FOXO3: variants seen among roughly 807,000 people sequenced by gnomAD.
FOXO3 encodes forkhead box O3.
FOXO3 carries 4 observed loss-of-function variants against 41.9 expected under a neutral mutation model. The ratio of observed to expected loss-of-function variants is 0.10; its 90% CI spans 0.05 to 0.22. The LOEUF is 0.22. FOXO3 is among the 10% of genes least tolerant of loss of function. FOXO3 has a pLI of 1.00. For synonymous variants in FOXO3, 318 were observed against 389.3 expected, an observed-to-expected ratio of 0.82 and a Z score of 2.16; for missense variants, 534 against 906.8, an observed-to-expected ratio of 0.59 and a Z score of 5.28.
intron 1 of FOXO3, among the ~76,000 whole-genome samples, chr6:108,638,055 A>G (rs1778164454): frequency 6.6e-6 from 1 of 152,240 alleles, no homozygotes; most frequent in African/African-American, 2.4e-5. Flanking sequence ...GGGTAATTAG[A>G]ATATGAGTAA....
At position 108,591,782 on chromosome 6, in the gene FOXO3, C is replaced by T. The variant is rs142372233; in HGVS notation, c.621+29953C>T. ...CGAGATTTTGGGATTGTACTTTATG[C>T]AAAGTTACTTATAAGTTCTGATTAC... On this transcript the variant is annotated intron_variant, in intron 1 of 2. Transcript: ENST00000406360. Among the ~76,000 whole-genome samples the T allele has an allele frequency of 4.6e-5, 7 of 152,040 alleles. 1 individual carries two copies. Among genetic ancestry groups the T allele is most frequent in the African/African-American group, 1.7e-4 (7 of 41,432 alleles).
intron 1 of FOXO3, among the ~76,000 whole-genome samples, chr6:108,659,754 C>A (rs768066251): frequency 1.4e-4 from 21 of 152,194 alleles, no homozygotes; most frequent in Non-Finnish European, 2.6e-4. Flanking sequence ...CTTTTTACCA[C>A]ATGCCCTTGT....
rs563938936 is a variant in FOXO3 at position 108,656,425 on chromosome 6, G to A, written c.622-7030G>A. 2.4e-5 allele frequency: 24 copies of A among 985,314 alleles called. 1 individual carries two copies. The East Asian group carries it at 9.1e-4, about 37-fold the overall frequency. The allele number at this position is 985,314 out of a possible 1,614,324, so 61.0% of individuals were successfully genotyped here. The stretch of plus-strand genomic sequence containing the variant: ...GGGTACAAAATTTAAGAAATTACCA[G>A]TTACTTCTGACTGGCACGGCACCTC... On this transcript the variant is annotated intron_variant, in intron 1 of 2. Coordinates refer to ENST00000406360, the MANE Select transcript of FOXO3 (RefSeq NM_001455.4).
chr6:108,669,450 A>G (rs1000588713), intron 2 of FOXO3, among the ~76,000 whole-genome samples: 12 of 152,214 alleles, frequency 7.9e-5, no homozygotes, highest in African/African-American at 2.7e-4. Flanking sequence ...TGTTTTAGGG[A>G]ATGTAACATC....
chr6:108,634,385 T>TG (rs986561728), intron 1 of FOXO3, among the ~76,000 whole-genome samples: 3 of 152,094 alleles, frequency 2.0e-5, no homozygotes, highest in African/African-American at 7.2e-5. Context: ...TAGTGGGCAA[T>TG]GGAAAGGGTC....
In FOXO3 at chr6:108,566,824, TG is replaced by T. The variant is rs34231872; in HGVS notation, c.621+4999del. ...ACCTTTTTGGTGCTATAAAAGGAGC[TG>T]GGGATCATAAATGCAAAGACGAGTT... On this transcript the variant is annotated intron_variant, in intron 1 of 2. Coordinates refer to ENST00000406360, the MANE Select transcript of FOXO3 (RefSeq NM_001455.4). Among the ~76,000 whole-genome samples the T allele has an allele frequency of 1.1e-4, 16 of 152,328 alleles. No individual in the cohort carries two copies. The East Asian group carries it at 2.1e-3, about 20-fold the overall frequency.
In FOXO3 at chr6:108,561,344, A is replaced by G. The variant is rs1409731500; in HGVS notation, c.136A>G (p.Lys46Glu). ...GCCGGAGCTCCAAGCGAGCCCTGCC[A>G]AGCCCTCGGGGGAGACGGCCGCCGA... The part of the protein sequence containing the change: ...QRPELQASPA[K>E]PSGETAADSM... Residue 46 changes from lysine (K) to glutamate (E), a missense_variant, in exon 1 of 3, where the codon AAG becomes GAG. By Grantham distance (56) the Lys-to-Glu change is moderately conservative. Transcript: ENST00000406360. The G allele has an allele frequency of 6.4e-7, 1 of 1,570,570 alleles. No homozygotes were observed. Among genetic ancestry groups the G allele is most frequent in the Non-Finnish European group, 8.6e-7 (1 of 1,160,642 alleles).
intron 1 of FOXO3, among the ~76,000 whole-genome samples, chr6:108,641,024 C>G (rs1778243409): frequency 6.6e-6 from 1 of 152,092 alleles, no homozygotes; most frequent in Non-Finnish European, 1.5e-5. Flanking sequence ...ATTCTCATGC[C>G]TCAGCCTCCT....
chr6:108,672,765 T>G (rs780427465), intron 2 of FOXO3, among the ~76,000 whole-genome samples: 22 of 152,186 alleles, frequency 1.4e-4, no homozygotes, highest in Non-Finnish European at 3.1e-4. Context: ...CTCTTTCTTC[T>G]TCTTTCTCTC....
At chr6:108,577,005 G>GA (rs1278133862) in intron 1 of FOXO3, among the ~76,000 whole-genome samples, 2 of 152,124 alleles carry the variant, frequency 1.3e-5, no homozygotes, top group Non-Finnish European at 2.9e-5. Context: ...TGGTTACTGG[G>GA]AGGATGATTG....
intron 1 of FOXO3, among the ~76,000 whole-genome samples, chr6:108,646,842 C>T (rs968064524): frequency 2.0e-5 from 3 of 152,144 alleles, no homozygotes; most frequent in African/African-American, 7.2e-5. Flanking sequence ...TTTATGCTTT[C>T]GAGAAAATGT....
In FOXO3 at chr6:108,658,096, C is replaced by T. The variant is rs563207841; in HGVS notation, c.622-5359C>T. ...AGATGGTCCTGGAACCAGTCCCCTG[C>T]GTATAACAAGGATTAACTATAATCA... On this transcript the variant is annotated intron_variant, in intron 1 of 2. Transcript: ENST00000406360. 2.6e-4 allele frequency among the ~76,000 whole-genome samples: 39 copies of T among 152,120 alleles called. 1 individual carries two copies. In the South Asian group the frequency reaches 6.0e-3, roughly 23 times the overall value.
At chr6:108,564,731 C>T (rs1476021702) in intron 1 of FOXO3, among the ~76,000 whole-genome samples, 1 of 151,908 alleles carries the variant, frequency 6.6e-6, no homozygotes, top group East Asian at 1.9e-4. Context: ...ATACAAATAC[C>T]CAGAGAATTT....
At chr6:108,677,071 G>A (rs980659342) in intron 2 of FOXO3, among the ~76,000 whole-genome samples, 28 of 152,156 alleles carry the variant, frequency 1.8e-4, no homozygotes, top group African/African-American at 6.8e-4. Context: ...CTATACCTGG[G>A]CCAAATCCTC....
At chr6:108,573,906 C>T (rs1776185982) in intron 1 of FOXO3, among the ~76,000 whole-genome samples, 1 of 152,102 alleles carries the variant, frequency 6.6e-6, no homozygotes, top group Non-Finnish European at 1.5e-5. Flanking sequence ...GTAATCCCAG[C>T]ACTTTGGGAG....
At chr6:108,618,960 A>G (rs1172289283) in intron 1 of FOXO3, among the ~76,000 whole-genome samples, 1 of 152,136 alleles carries the variant, frequency 6.6e-6, no homozygotes. Context: ...TGGCTTGGAC[A>G]CTACCTCCTG....
rs559071054 is a variant in FOXO3 at position 108,588,248 on chromosome 6, C to T, written c.621+26419C>T. 1.5e-4 allele frequency among the ~76,000 whole-genome samples: 23 copies of T among 151,936 alleles called. No individual in the cohort carries two copies. The East Asian group carries it at 4.4e-3, about 29-fold the overall frequency. On this transcript the variant is annotated intron_variant, in intron 1 of 2. Coordinates refer to ENST00000406360, the MANE Select transcript of FOXO3 (RefSeq NM_001455.4). ...GAACTATTCAGTATATTGAAAAATT[C>T]AATTTTTGTTTTTCTCTGCATTTGG...
intron 1 of FOXO3, among the ~76,000 whole-genome samples, chr6:108,646,020 A>G (rs888603585): frequency 3.3e-4 from 51 of 152,274 alleles, no homozygotes; most frequent in African/African-American, 1.0e-3. Context: ...AAAGAAGTCT[A>G]GGGCTTGTGT....
rs1410970803 is a variant in FOXO3 at position 108,574,948 on chromosome 6, G to A, written c.621+13119G>A. On this transcript the variant is annotated intron_variant, in intron 1 of 2. Coordinates refer to ENST00000406360, the MANE Select transcript of FOXO3 (RefSeq NM_001455.4). ...TGTGATAAACGTGAGCAGGCAGCAG[G>A]ATGCTACCTGATAACTGAGTATAAC... is the stretch of plus-strand genomic sequence containing the variant. Among the ~76,000 whole-genome samples the A allele has an allele frequency of 2.0e-5, 3 of 152,188 alleles. No individual in the cohort carries two copies. The South Asian group carries it at 6.2e-4, about 32-fold the overall frequency.
Sources: allele counts gnomAD v4.1 joint callset (sites outside exome capture counted in the v4.1 genomes callset), GRCh38; gene constraint gnomAD v4.1.1; transcripts MANE v1.5; gene names NCBI Gene and HGNC (gene_info 2026-07-23, HGNC 2026-07-21).